KIF6: variants seen among roughly 807,000 people sequenced by gnomAD.
KIF6 encodes the protein kinesin-like protein KIF6.
A neutral mutation model predicts 112.7 loss-of-function variants in KIF6; 106 were observed. The observed-to-expected ratio is 0.94, with a 90% CI of 0.80 to 1.11. The LOEUF (loss-of-function observed/expected upper bound fraction) is 1.11, where lower values mean the gene tolerates loss of function less well. Among genes scored for constraint, KIF6 ranks in the 50% least tolerant of loss-of-function variants. KIF6 has a pLI of 0.00. For missense variants in KIF6, 929 were observed against 964.0 expected (o/e 0.96, Z 0.48); for synonymous variants, 339 against 339.9 (o/e 1.00, Z 0.03).
chr6:39,474,189 T>TGTAA (rs1206143561), intron 13 of KIF6, among the ~76,000 whole-genome samples: 7 of 152,224 alleles, frequency 4.6e-5, no homozygotes, highest in Non-Finnish European at 1.5e-5. Flanking sequence ...TTTGGTTATC[T>TGTAA]GTAAGTCATG....
At chr6:39,382,085 A>T (rs1407682173) in intron 16 of KIF6, among the ~76,000 whole-genome samples, 1 of 152,234 alleles carries the variant, frequency 6.6e-6, no homozygotes, top group Non-Finnish European at 1.5e-5. Flanking sequence ...AAAGTCATGG[A>T]AATGGCTTCC....
intron 19 of KIF6, among the ~76,000 whole-genome samples, chr6:39,355,575 T>G (rs1356601287): frequency 6.7e-6 from 1 of 149,314 alleles, no homozygotes; most frequent in Non-Finnish European, 1.5e-5. Flanking sequence ...GCGATTCTCC[T>G]GCCTCAGCCT....
intron 3 of KIF6, among the ~76,000 whole-genome samples, chr6:39,709,544 T>C (rs1359563450): frequency 6.6e-6 from 1 of 152,194 alleles, no homozygotes; most frequent in Non-Finnish European, 1.5e-5. Flanking sequence ...CTGGTACCGG[T>C]GCATGGCCTG....
At chr6:39,613,371 T>G (rs891586214) in intron 5 of KIF6, 53 bp from the exon 6 acceptor site, 25 of 1,468,960 alleles carry the variant, frequency 1.7e-5, no homozygotes, top group Non-Finnish European at 2.3e-5. Context: ...GAAAAGAACT[T>G]GAAGTCTTCC....
intron 10 of KIF6, among the ~76,000 whole-genome samples, chr6:39,572,720 C>A (rs1254950642): frequency 1.5e-5 from 2 of 134,112 alleles, no homozygotes; most frequent in Admixed American, 1.7e-4. Context: ...GAGACTCAAT[C>A]ACAATCAAAT....
chr6:39,600,443 G>A (rs1782509885), intron 6 of KIF6, among the ~76,000 whole-genome samples: 1 of 152,210 alleles, frequency 6.6e-6, no homozygotes. Flanking sequence ...AAGCCACAAT[G>A]TGTGAAATGA....
intron 10 of KIF6, among the ~76,000 whole-genome samples, chr6:39,552,459 G>A (rs1034939428): frequency 6.6e-6 from 1 of 152,182 alleles, no homozygotes; most frequent in African/African-American, 2.4e-5. Context: ...GGAAAGCTAA[G>A]AGAAGTTCAG....
intron 13 of KIF6, among the ~76,000 whole-genome samples, chr6:39,485,247 G>T (rs1488646722): frequency 6.6e-6 from 1 of 152,176 alleles, no homozygotes; most frequent in Non-Finnish European, 1.5e-5. Flanking sequence ...GGATGTCTCA[G>T]AAAATTAAGG....
chr6:39,506,141 G>C (rs1776414376), intron 13 of KIF6, among the ~76,000 whole-genome samples: 1 of 152,114 alleles, frequency 6.6e-6, no homozygotes, highest in Admixed American at 6.5e-5. Context: ...AGAAAATATG[G>C]CACATATACA....
intron 3 of KIF6, among the ~76,000 whole-genome samples, chr6:39,706,864 C>A (rs1464931806): frequency 2.0e-5 from 3 of 152,120 alleles, no homozygotes; most frequent in African/African-American, 7.2e-5. Flanking sequence ...GGGAGAAGTT[C>A]CAGTGCAATA....
rs148638088 is a variant in KIF6, at chr6:39,389,986, G to A, written c.1811-4314C>T. Reference sequence around the variant, plus strand: ...GCAGAGGTTGCAATGAGCCAAGATCGCGCCGCTGCACTCCAGCCTGGGCAA... The same window carrying A: ...GCAGAGGTTGCAATGAGCCAAGATCACGCCGCTGCACTCCAGCCTGGGCAA... On this transcript the variant is annotated intron_variant, in intron 15 of 22. Transcript: ENST00000287152. Among the ~76,000 whole-genome samples, 866 of 144,288 alleles carry A rather than the reference G, an allele frequency of 6.0e-3. 11 individuals carry two copies. The highest frequency in any genetic ancestry group is 0.021 in the African/African-American group (806 of 37,562). The allele number at this position is 144,288 out of a possible 152,430, so 94.7% of individuals were successfully genotyped here.
At chr6:39,474,895 A>G (rs1349403597) in intron 13 of KIF6, among the ~76,000 whole-genome samples, 1 of 152,238 alleles carries the variant, frequency 6.6e-6, no homozygotes, top group Non-Finnish European at 1.5e-5. Context: ...AGACATATTG[A>G]TTACTCATTT....
At chr6:39,499,510 C>T (rs1206903438) in intron 13 of KIF6, among the ~76,000 whole-genome samples, 3 of 152,090 alleles carry the variant, frequency 2.0e-5, no homozygotes, top group African/African-American at 4.8e-5. Flanking sequence ...TGATTTACTT[C>T]CAAGTAGGAC....
intron 13 of KIF6, among the ~76,000 whole-genome samples, chr6:39,488,181 G>A (rs115223896): frequency 0.019 from 2,826 of 152,296 alleles, 27 homozygotes; most frequent in South Asian, 0.03. Context: ...TAGTTTGACA[G>A]AGGATACCCA....
At chr6:39,723,717 G>T (rs149242) in intron 1 of KIF6, among the ~76,000 whole-genome samples, 130,324 of 151,802 alleles carry the variant, frequency 0.86, 56,381 homozygotes, top group East Asian at 0.97. Flanking sequence ...ACACAGGGAG[G>T]GGAACATCAC....
chr6:39,422,358 G>A (rs923783453), intron 14 of KIF6, among the ~76,000 whole-genome samples: 5 of 152,172 alleles, frequency 3.3e-5, no homozygotes, highest in African/African-American at 9.7e-5. Flanking sequence ...CCAAAGAGCC[G>A]CCCTGCTCCA....
chr6:39,540,618 C>T (rs35545665), intron 12 of KIF6, among the ~76,000 whole-genome samples: 11 of 152,246 alleles, frequency 7.2e-5, no homozygotes, highest in South Asian at 2.1e-4. Flanking sequence ...TGGGCGAGCA[C>T]GCGCCTGCTC....
intron 15 of KIF6, among the ~76,000 whole-genome samples, chr6:39,393,761 A>T (rs1295331312): frequency 2.0e-5 from 3 of 152,194 alleles, no homozygotes; most frequent in Non-Finnish European, 4.4e-5. Context: ...GAACAACTAC[A>T]GACATTGTTA....
chr6:39,517,451 C>T (rs557205303), intron 13 of KIF6, among the ~76,000 whole-genome samples: 2 of 152,306 alleles, frequency 1.3e-5, no homozygotes, highest in South Asian at 4.1e-4. Context: ...GAATCCCTCT[C>T]CTTGGACACA....
Sources: allele counts gnomAD v4.1 joint callset (sites outside exome capture counted in the v4.1 genomes callset), GRCh38; gene constraint gnomAD v4.1.1; transcripts MANE v1.5; gene names NCBI Gene and HGNC (gene_info 2026-07-23, HGNC 2026-07-21).